CHRNA7: variants seen among roughly 807,000 people sequenced by gnomAD.
The protein encoded by CHRNA7 is neuronal acetylcholine receptor subunit alpha-7.
CHRNA7 carries 17 observed loss-of-function variants against 48.0 expected under a neutral mutation model. That is an observed-to-expected ratio of 0.35 (90% CI 0.24 to 0.53). The LOEUF (loss-of-function observed/expected upper bound fraction) is 0.53. Among genes scored for constraint, CHRNA7 ranks in the 20% least tolerant of loss-of-function variants. CHRNA7 has a pLI of 0.92. For missense variants in CHRNA7, 155 were observed against 577.7 expected, an observed-to-expected ratio of 0.27 and a Z score of 7.50; for synonymous variants, 75 against 242.3, an observed-to-expected ratio of 0.31 and a Z score of 6.41.
At chr15:32,103,168 C>T (rs1426917779) in intron 3 of CHRNA7, 2 of 152,066 alleles carry the variant, frequency 1.3e-5, no homozygotes, top group African/African-American at 4.8e-5. Flanking sequence ...TTGAGTTATC[C>T]TGCGAATACA....
intron 2 of CHRNA7, among the ~76,000 whole-genome samples, chr15:32,096,592 G>A (rs1292342042): frequency 6.6e-6 from 1 of 151,450 alleles, no homozygotes; most frequent in East Asian, 1.9e-4. Flanking sequence ...GTGGTGGTTA[G>A]GTCTATTGTT....
chr15:32,060,103 A>T (rs1187138882), intron 2 of CHRNA7, among the ~76,000 whole-genome samples: 1 of 152,168 alleles, frequency 6.6e-6, no homozygotes, highest in Non-Finnish European at 1.5e-5. Flanking sequence ...GATATAATAA[A>T]TCCAAGCAGT....
At chr15:32,097,567 C>A (rs2050493345) in intron 2 of CHRNA7, among the ~76,000 whole-genome samples, 2 of 152,130 alleles carry the variant, frequency 1.3e-5, no homozygotes, top group African/African-American at 4.8e-5. Flanking sequence ...CTTCCAGCCG[C>A]CAGAACTGTG....
At chr15:32,030,688 G>C in intron 1 of CHRNA7, 39 bp downstream of exon 1, 2 of 1,555,046 alleles carry the variant, frequency 1.3e-6, no homozygotes, top group South Asian at 2.4e-5. Context: ...TCCTCCGTGG[G>C]ATCCCGGGCA....
At chr15:32,075,746 AT>A (rs566595119) in intron 2 of CHRNA7, among the ~76,000 whole-genome samples, 1,823 of 149,700 alleles carry the variant, frequency 0.012, 37 homozygotes, top group African/African-American at 0.042. Context: ...TCTCTGGGAA[AT>A]TTTTTTTTCT....
rs144932519 is a variant in CHRNA7, at chr15:32,100,702, G to T, written c.196-601G>T. 415 of 154,640 alleles carry T rather than the reference G, an allele frequency of 2.7e-3. 2 individuals carry two copies. The highest frequency in any genetic ancestry group is 5.0e-3 in the Non-Finnish European group (342 of 68,344). 9.6% of individuals were successfully genotyped at this position (154,640 alleles called of 1,614,324 possible). ...TTCTCACCTTTAGTTTATCACCTGG[G>T]TAGGCTTTACCTTCAGGTGTATTTC... On this transcript the variant is annotated intron_variant, in intron 2 of 9. Coordinates refer to ENST00000306901, the MANE Select transcript of CHRNA7 (RefSeq NM_000746.6).
In CHRNA7 at chr15:32,086,027, A is replaced by T. The variant is rs114673305; in HGVS notation, c.196-15276A>T. Among the ~76,000 whole-genome samples, 734 of 152,314 alleles carry T rather than the reference A, an allele frequency of 4.8e-3. 6 individuals carry two copies. Among genetic ancestry groups the T allele is most frequent in the African/African-American group, 0.017 (694 of 41,572 alleles). ...TAGTTAATTTTAAAATTATAAATAA[A>T]CATATTATAAATAAACTCCCTTGTA... is the stretch of plus-strand genomic sequence containing the variant. On this transcript the variant is annotated intron_variant, in intron 2 of 9. Coordinates refer to ENST00000306901, the MANE Select transcript of CHRNA7 (RefSeq NM_000746.6).
chr15:32,061,414 T>C (rs1040190048), intron 2 of CHRNA7, among the ~76,000 whole-genome samples: 1 of 152,104 alleles, frequency 6.6e-6, no homozygotes, highest in African/African-American at 2.4e-5. Flanking sequence ...AATTAACCTT[T>C]TGCACTCCCA....
rs147013344 is a variant in CHRNA7 at position 32,030,957 on chromosome 15, C to A, written c.115C>A (p.Pro39Thr). ...CAAGGAGCTGGTCAAGAACTACAATCCCTTGGAGAGGCCCGTGGCCAATGA... is the reference window on the plus strand; with the variant it reads ...CAAGGAGCTGGTCAAGAACTACAATACCTTGGAGAGGCCCGTGGCCAATGA... ...LYKELVKNYN[P>T]LERPVANDSQ... Residue 39 changes from proline to threonine, a missense_variant, in exon 2 of 10, where the codon CCC becomes ACC. Transcript: ENST00000306901. 6.2e-7 allele frequency: 1 copy of A among 1,614,108 alleles called. No individual in the cohort carries two copies. The highest frequency in any genetic ancestry group is 2.2e-5 in the East Asian group (1 of 44,886).
At chr15:32,090,010 G>A (rs2050357861) in intron 2 of CHRNA7, among the ~76,000 whole-genome samples, 1 of 152,182 alleles carries the variant, frequency 6.6e-6, no homozygotes, top group Non-Finnish European at 1.5e-5. Context: ...AGTTATACTG[G>A]ACCCCTGTTG....
intron 4 of CHRNA7, among the ~76,000 whole-genome samples, chr15:32,118,395 G>A (rs2050909552): frequency 6.6e-6 from 1 of 152,224 alleles, no homozygotes; most frequent in African/African-American, 2.4e-5. Flanking sequence ...TTTTGCTGCT[G>A]GAGATCTCAG....
intron 4 of CHRNA7, among the ~76,000 whole-genome samples, chr15:32,147,150 T>C (rs142939772): frequency 2.6e-5 from 4 of 152,326 alleles, no homozygotes; most frequent in Admixed American, 6.5e-5. Flanking sequence ...CAATTTAATA[T>C]GCCAACTAGT....
chr15:32,070,454 CAA>C (rs912587902), intron 2 of CHRNA7, among the ~76,000 whole-genome samples: 1 of 149,720 alleles, frequency 6.7e-6, no homozygotes, highest in African/African-American at 2.4e-5. Context: ...TATTTTCCAG[CAA>C]AAAAAAAGTT....
rs894125176 is a variant in CHRNA7 at position 32,112,103 on chromosome 15, G to A, written c.350+204G>A. 22 of 634,190 alleles carry A rather than the reference G, an allele frequency of 3.5e-5. No homozygotes were observed. The Admixed American group carries it at 4.0e-4, about 12-fold the overall frequency. The allele number at this position is 634,190 out of a possible 1,614,324, so 39.3% of individuals were successfully genotyped here. A position where few individuals can be genotyped will look rare whatever the true frequency, so the allele number is the denominator to read the frequency against. On this transcript the variant is annotated intron_variant, in intron 4 of 9. Coordinates refer to ENST00000306901, the MANE Select transcript of CHRNA7 (RefSeq NM_000746.6). Reference sequence around the variant, plus strand: ...GCATTCCCTGGTTTGGCATGCACACGTGCACACGCTGGCTAGCCTGCTACT... The same window carrying A: ...GCATTCCCTGGTTTGGCATGCACACATGCACACGCTGGCTAGCCTGCTACT...
At chr15:32,143,599 T>C (rs2051426562) in intron 4 of CHRNA7, among the ~76,000 whole-genome samples, 1 of 152,224 alleles carries the variant, frequency 6.6e-6, no homozygotes, top group South Asian at 2.1e-4. Flanking sequence ...ATCTTGGTGC[T>C]CCTGTATTAG....
chr15:32,045,767 A>G (rs1464001871), intron 2 of CHRNA7, among the ~76,000 whole-genome samples: 1 of 149,806 alleles, frequency 6.7e-6, no homozygotes, highest in Non-Finnish European at 1.5e-5. Flanking sequence ...TGCTGCACCC[A>G]TTAACTCGTC....
At chr15:32,099,565 AC>A (rs1351953731) in intron 2 of CHRNA7, 6 of 152,222 alleles carry the variant, frequency 3.9e-5, no homozygotes. Context: ...CTCCCAAACC[AC>A]AGAAGCCTTT....
At chr15:32,036,577 T>G (rs1025846776) in intron 2 of CHRNA7, among the ~76,000 whole-genome samples, 2 of 152,218 alleles carry the variant, frequency 1.3e-5, no homozygotes, top group Non-Finnish European at 2.9e-5. Context: ...CTGTTGCCCT[T>G]TATCCATGTC....
rs182600704 is a variant in CHRNA7 at position 32,122,171 on chromosome 15, C to T, written c.350+10272C>T. Among the ~76,000 whole-genome samples the T allele has an allele frequency of 3.3e-4, 51 of 152,284 alleles. No homozygotes were observed. In the East Asian group the frequency reaches 6.6e-3, roughly 20 times the overall value. On this transcript the variant is annotated intron_variant, in intron 4 of 9. Coordinates refer to ENST00000306901, the MANE Select transcript of CHRNA7 (RefSeq NM_000746.6). Reference sequence around the variant, plus strand: ...AAGTAGCACATGGCAAGCAGCACATCGCAGTGGGTGAGGGACTAGTGGGGC... The same window carrying T: ...AAGTAGCACATGGCAAGCAGCACATTGCAGTGGGTGAGGGACTAGTGGGGC...
Sources: gnomAD v4.1 joint callset for allele counts (sites outside exome capture counted in the v4.1 genomes callset) on GRCh38, gnomAD v4.1.1 for gene constraint, MANE v1.5 for transcripts, NCBI Gene and HGNC (gene_info 2026-07-23, HGNC 2026-07-21) for gene names.